SLC26A7: variants seen among roughly 807,000 people sequenced by gnomAD.
The protein encoded by SLC26A7 is solute carrier family 26 member 7.
In SLC26A7, 59 loss-of-function variants were observed where a neutral mutation model predicts 82.5. That is an observed-to-expected ratio of 0.72 (90% CI 0.58 to 0.89). The LOEUF (loss-of-function observed/expected upper bound fraction) is 0.89. Among genes scored for constraint, SLC26A7 ranks in the 40% least tolerant of loss-of-function variants. The pLI, the probability that SLC26A7 is intolerant of heterozygous loss-of-function variation, is 0.00. For missense variants in SLC26A7, 820 were observed against 793.0 expected (o/e 1.03, Z -0.41); for synonymous variants, 271 against 274.3 (o/e 0.99, Z 0.12).
At chr8:91,225,079 G>A (rs1051469015) in intron 2 of SLC26A7, among the ~76,000 whole-genome samples, 1 of 152,234 alleles carries the variant, frequency 6.6e-6, no homozygotes, top group African/African-American at 2.4e-5. Context: ...AATGGGTGCC[G>A]CCTTTCCCTT....
intron 2 of SLC26A7, among the ~76,000 whole-genome samples, chr8:91,233,589 G>GA (rs1190098102): frequency 1.3e-5 from 2 of 150,580 alleles, no homozygotes; most frequent in Non-Finnish European, 3.0e-5. Flanking sequence ...AAAAGAAAAA[G>GA]AAAAAAAAGA....
At chr8:91,233,799 G>A (rs946819142) in intron 2 of SLC26A7, among the ~76,000 whole-genome samples, 4 of 152,122 alleles carry the variant, frequency 2.6e-5, no homozygotes, top group African/African-American at 9.7e-5. Flanking sequence ...CCTCCAGAAA[G>A]CCAGAATTGC....
At chr8:91,234,791 CCCTACCTACCTA>C (rs68154003) in intron 2 of SLC26A7, among the ~76,000 whole-genome samples, 20 of 121,532 alleles carry the variant, frequency 1.6e-4, no homozygotes, top group East Asian at 1.0e-3. Context: ...TTCCCTCCCT[CCCTACCTACCTA>C]CCTACCTACC....
intron 6 of SLC26A7, among the ~76,000 whole-genome samples, chr8:91,335,681 A>C (rs1009194784): frequency 6.6e-6 from 1 of 152,240 alleles, no homozygotes; most frequent in African/African-American, 2.4e-5. Flanking sequence ...TATTCTTTAT[A>C]CGTGTTATCC....
At chr8:91,344,800 G>A (rs914079517) in intron 9 of SLC26A7, among the ~76,000 whole-genome samples, 2 of 152,124 alleles carry the variant, frequency 1.3e-5, no homozygotes, top group Non-Finnish European at 2.9e-5. Context: ...TTCTGTAGTG[G>A]CGTAAACATT....
Position 91,295,634 on chromosome 8 carries a change from C to T in SLC26A7, c.408C>T (p.Gly136=), listed in dbSNP as rs1196224347. ...CACAGAGTAACACAAGCGTGCTGGG[C>T]TTATCCGACTTTGAAATGCAAAGGA... ...LTTQSNTSVL[G]LSDFEMQRIH... is the part of the protein sequence containing the mutation. Residue 136 remains glycine, a synonymous_variant, in exon 4 of 19, where the codon GGC becomes GGT. Transcript: ENST00000276609. 1 of 1,614,112 alleles carries T rather than the reference C, an allele frequency of 6.2e-7. No homozygotes were observed. Among genetic ancestry groups the T allele is most frequent in the South Asian group, 1.1e-5 (1 of 91,070 alleles).
chr8:91,347,026 G>A (rs1030731723), intron 9 of SLC26A7, among the ~76,000 whole-genome samples: 1 of 152,074 alleles, frequency 6.6e-6, no homozygotes, highest in African/African-American at 2.4e-5. Flanking sequence ...TTCTATCCTT[G>A]ACTTAAAGCT....
intron 2 of SLC26A7, among the ~76,000 whole-genome samples, chr8:91,252,305 T>A (rs1810681183): frequency 6.6e-6 from 1 of 152,112 alleles, no homozygotes; most frequent in South Asian, 2.1e-4. Context: ...TTAAGGATAA[T>A]GGAAATTCAT....
chr8:91,327,305 C>T (rs576047513), intron 5 of SLC26A7, among the ~76,000 whole-genome samples: 12 of 151,992 alleles, frequency 7.9e-5, no homozygotes, highest in African/African-American at 2.2e-4. Context: ...ATTTCAGGGC[C>T]GTGACTACCA....
intron 2 of SLC26A7, among the ~76,000 whole-genome samples, chr8:91,230,783 G>A (rs62527422): frequency 0.1 from 15,859 of 152,140 alleles, 1,598 homozygotes; most frequent in African/African-American, 0.26. Flanking sequence ...TGAATACTAC[G>A]GAACAGGGAA....
chr8:91,279,127 A>G (rs7012650), intron 2 of SLC26A7, among the ~76,000 whole-genome samples: 1,842 of 11,620 alleles, frequency 0.16, 10 homozygotes, highest in Middle Eastern at 0.25. Context: ...GTGTGTGTGT[A>G]TATATATATA....
intron 2 of SLC26A7, among the ~76,000 whole-genome samples, chr8:91,267,080 A>G (rs1373992386): frequency 6.6e-6 from 1 of 151,858 alleles, no homozygotes; most frequent in Non-Finnish European, 1.5e-5. Context: ...TGTCCCTGGG[A>G]TGAATCCTAA....
intron 15 of SLC26A7, among the ~76,000 whole-genome samples, chr8:91,380,245 C>T (rs1299342832): frequency 6.6e-6 from 1 of 151,898 alleles, no homozygotes; most frequent in Admixed American, 6.6e-5. Flanking sequence ...ATGTTTATGA[C>T]CGGCAGTGTT....
chr8:91,370,042 T>C (rs914047100), intron 15 of SLC26A7, among the ~76,000 whole-genome samples: 2 of 152,002 alleles, frequency 1.3e-5, no homozygotes, highest in African/African-American at 4.8e-5. Flanking sequence ...ACTAATACTT[T>C]TATCTGCAGA....
intron 2 of SLC26A7, among the ~76,000 whole-genome samples, chr8:91,225,473 C>T (rs573533278): frequency 5.9e-5 from 9 of 151,840 alleles, no homozygotes; most frequent in Non-Finnish European, 1.2e-4. Context: ...TCTTCCTTCT[C>T]TCGTGGGTCT....
chr8:91,273,499 A>G (rs573798986), intron 2 of SLC26A7, among the ~76,000 whole-genome samples: 1 of 152,346 alleles, frequency 6.6e-6, no homozygotes, highest in African/African-American at 2.4e-5. Flanking sequence ...GTGCTAAAAT[A>G]GTTTAAACAA....
intron 15 of SLC26A7, among the ~76,000 whole-genome samples, chr8:91,370,868 A>AT (rs1201058870): frequency 1.3e-5 from 2 of 151,844 alleles, no homozygotes; most frequent in African/African-American, 2.4e-5. Context: ...AAAATCTCTT[A>AT]TTTTTTGTGT....
At chr8:91,372,381 C>T (rs899296611) in intron 15 of SLC26A7, among the ~76,000 whole-genome samples, 5 of 151,994 alleles carry the variant, frequency 3.3e-5, no homozygotes, top group African/African-American at 7.2e-5. Flanking sequence ...ATATTTAAGT[C>T]GTTAATCCAT....
intron 11 of SLC26A7, 92 bp from the exon 12 acceptor site, chr8:91,362,260 AG>A: frequency 1.3e-6 from 1 of 783,066 alleles, no homozygotes; most frequent in East Asian, 2.7e-5. Flanking sequence ...TGGTCACAAG[AG>A]TGTTAAGAAT....
Sources: allele counts gnomAD v4.1 joint callset (sites outside exome capture counted in the v4.1 genomes callset), GRCh38; gene constraint gnomAD v4.1.1; transcripts MANE v1.5; gene names NCBI Gene and HGNC (gene_info 2026-07-23, HGNC 2026-07-21).